PIK3C2A: variants seen among roughly 807,000 people sequenced by gnomAD.
PIK3C2A encodes phosphatidylinositol 4-phosphate 3-kinase C2 domain-containing subunit alpha.
In PIK3C2A, 97 loss-of-function variants were observed where a neutral mutation model predicts 204.5. The observed-to-expected ratio is 0.47, with a 90% CI of 0.40 to 0.56. PIK3C2A has a LOEUF of 0.56. PIK3C2A is among the 20% of genes least tolerant of loss of function. The probability of loss-of-function intolerance (pLI) is 0.00; values close to 1 mark genes in which losing one functional copy is unlikely to be tolerated. For missense variants in PIK3C2A, 1,735 were observed against 1,969.2 expected, an observed-to-expected ratio of 0.88 and a Z score of 2.25; for synonymous variants, 653 against 664.4, an observed-to-expected ratio of 0.98 and a Z score of 0.26.
At chr11:17,101,597 C>CT (rs984303086) in intron 24 of PIK3C2A, among the ~76,000 whole-genome samples, 163 bp from the exon 25 acceptor site, 4 of 149,168 alleles carry the variant, frequency 2.7e-5, no homozygotes, top group African/African-American at 4.9e-5. Flanking sequence ...TAACATTTTT[C>CT]TTTTTTTTTC....
chr11:17,155,560 C>T lies in PIK3C2A; in HGVS notation c.1135G>A (p.Glu379Lys), dbSNP rs1850561556. The T allele has an allele frequency of 6.2e-7, 1 of 1,605,524 alleles. No individual in the cohort carries two copies. Among genetic ancestry groups the T allele is most frequent in the Non-Finnish European group, 8.5e-7 (1 of 1,173,612 alleles). The change falls in exon 3 of 33, where the codon GAG becomes AAG. Residue 379 changes from glutamate to lysine, a missense_variant. Transcript: ENST00000691414. ...SLLQEVEVQN[E>K]EMAAFCRSIT... ...GATCGACAAAAAGCTGCCATCTCCT[C>T]ATTCTGTACTTCAACTTCTTGAAGA...
At chr11:17,176,587 G>C (rs532593669) in intron 1 of PIK3C2A, among the ~76,000 whole-genome samples, 1 of 151,792 alleles carries the variant, frequency 6.6e-6, no homozygotes, top group Non-Finnish European at 1.5e-5. Flanking sequence ...TCAAGAGTTC[G>C]AGACCAGCGT....
intron 19 of PIK3C2A, among the ~76,000 whole-genome samples, chr11:17,114,732 A>T (rs1222252458): frequency 6.6e-6 from 1 of 152,222 alleles, no homozygotes; most frequent in Non-Finnish European, 1.5e-5. Flanking sequence ...AACAAAAATG[A>T]ATGCAGTTTT....
At chr11:17,192,563 C>T (rs1851979818) in intron 1 of PIK3C2A, among the ~76,000 whole-genome samples, 1 of 152,208 alleles carries the variant, frequency 6.6e-6, no homozygotes, top group Admixed American at 6.5e-5. Flanking sequence ...TCTCATGCCT[C>T]AGCCTCCTGA....
intron 11 of PIK3C2A, among the ~76,000 whole-genome samples, chr11:17,134,562 T>C (rs1428510546): frequency 1.3e-5 from 2 of 152,148 alleles, no homozygotes; most frequent in Non-Finnish European, 1.5e-5. Flanking sequence ...GTTCTCTCCA[T>C]GTTTGTCAGG....
intron 1 of PIK3C2A, among the ~76,000 whole-genome samples, chr11:17,179,160 T>G (rs960365909): frequency 3.7e-4 from 56 of 152,110 alleles, no homozygotes; most frequent in Non-Finnish European, 6.9e-4. Context: ...CCACCGCACC[T>G]GGCCTATTTA....
chr11:17,138,537 A>G (rs1390591162), intron 8 of PIK3C2A, among the ~76,000 whole-genome samples: 1 of 152,116 alleles, frequency 6.6e-6, no homozygotes, highest in African/African-American at 2.4e-5. Context: ...AGACTTTATC[A>G]CAGTCCTCAG....
chr11:17,189,812 C>CAAAAA (rs759869051), intron 1 of PIK3C2A, among the ~76,000 whole-genome samples: 28 of 60,342 alleles, frequency 4.6e-4, no homozygotes, highest in South Asian at 1.2e-3. Context: ...GGCTCTGTCT[C>CAAAAA]AAAAAAAAAA....
chr11:17,156,501 G>C (rs949077941), intron 2 of PIK3C2A, among the ~76,000 whole-genome samples: 7 of 152,020 alleles, frequency 4.6e-5, no homozygotes, highest in African/African-American at 1.7e-4. Flanking sequence ...ATCCACCTCA[G>C]CCTCCCAAGT....
In PIK3C2A at chr11:17,194,484, T is replaced by C. The variant is rs114359774; in HGVS notation, c.-66+13364A>G. On this transcript the variant is annotated intron_variant, in intron 1 of 32. Coordinates refer to ENST00000691414, the MANE Select transcript of PIK3C2A (RefSeq NM_002645.4). ...AAACTAACAAATGAGGACTTTGAATTAGAAGAAAAGAAAAACTGAGTTTCT... is the reference window on the plus strand; with the variant it reads ...AAACTAACAAATGAGGACTTTGAATCAGAAGAAAAGAAAAACTGAGTTTCT... The C allele has an allele frequency of 5.0e-3, 777 of 156,020 alleles. 16 individuals carry two copies. The highest frequency in any genetic ancestry group is 0.018 in the African/African-American group (740 of 41,662). The allele number at this position is 156,020 out of a possible 1,614,324, so 9.7% of individuals were successfully genotyped here. A position where few individuals can be genotyped will look rare whatever the true frequency, so the allele number is the denominator to read the frequency against.
intron 13 of PIK3C2A, among the ~76,000 whole-genome samples, chr11:17,123,134 T>C (rs1849414978): frequency 6.6e-6 from 1 of 152,176 alleles, no homozygotes; most frequent in African/African-American, 2.4e-5. Context: ...AAGAATAGTC[T>C]TTGAAGATTT....
At chr11:17,118,820 T>C (rs542676460) in intron 17 of PIK3C2A, 81 bp from the exon 18 acceptor site, 2 of 691,630 alleles carry the variant, frequency 2.9e-6, no homozygotes, top group South Asian at 1.9e-5. Context: ...AGAGAAACTA[T>C]ATAAAGCAAG....
intron 8 of PIK3C2A, among the ~76,000 whole-genome samples, chr11:17,137,412 T>C (rs1425425005): frequency 1.4e-5 from 1 of 70,250 alleles, no homozygotes; most frequent in Non-Finnish European, 3.1e-5. Context: ...TATTACTTCA[T>C]ATTACTTTGC....
Position 17,110,295 on chromosome 11 carries a change from T to C in PIK3C2A, c.3544+137A>G, listed in dbSNP as rs1179770976. 1.7e-5 allele frequency: 10 copies of C among 603,692 alleles called. No homozygotes were observed. In the African/African-American group the frequency reaches 1.9e-4, roughly 11 times the overall value. The allele number at this position is 603,692 out of a possible 1,614,324, so 37.4% of individuals were successfully genotyped here. A position where few individuals can be genotyped will look rare whatever the true frequency, so the allele number is the denominator to read the frequency against. ...AGAGACTTAATTATGAGCAACTGAA[T>C]CAATAAAGTAACACTGGATTAAAAT... On this transcript the variant is annotated intron_variant, in intron 22 of 32. Transcript: ENST00000691414.
chr11:17,109,173 G>T (rs970843904), intron 22 of PIK3C2A, among the ~76,000 whole-genome samples: 3 of 152,200 alleles, frequency 2.0e-5, no homozygotes, highest in African/African-American at 7.2e-5. Flanking sequence ...CCTATGCATA[G>T]AATTTGTGAA....
intron 8 of PIK3C2A, among the ~76,000 whole-genome samples, chr11:17,137,526 A>T (rs1378537469): frequency 6.8e-6 from 1 of 147,008 alleles, no homozygotes; most frequent in African/African-American, 2.5e-5. Context: ...CTCCTGCCTC[A>T]GCCTCCCGAG....
intron 1 of PIK3C2A, among the ~76,000 whole-genome samples, chr11:17,177,787 C>T (rs1266902202): frequency 2.6e-5 from 4 of 152,058 alleles, no homozygotes; most frequent in South Asian, 2.1e-4. Flanking sequence ...GTTACAGCGA[C>T]GCTGTCCAAA....
chr11:17,166,060 C>T (rs1850936790), intron 2 of PIK3C2A, among the ~76,000 whole-genome samples: 2 of 152,120 alleles, frequency 1.3e-5, no homozygotes, highest in Non-Finnish European at 1.5e-5. Flanking sequence ...TTAAATTCTA[C>T]AGTATACATC....
chr11:17,172,303 A>T (rs1851199577), intron 1 of PIK3C2A, among the ~76,000 whole-genome samples: 2 of 152,324 alleles, frequency 1.3e-5, no homozygotes, highest in South Asian at 4.1e-4. Flanking sequence ...AAGAGGCTTT[A>T]CTACCTCAGT....
Sources: gnomAD v4.1 joint callset for allele counts (sites outside exome capture counted in the v4.1 genomes callset) on GRCh38, gnomAD v4.1.1 for gene constraint, MANE v1.5 for transcripts, NCBI Gene and HGNC (gene_info 2026-07-23, HGNC 2026-07-21) for gene names.